Variants in FGD5 observed in about 807,000 individuals in gnomAD.
FGD5 encodes the protein FYVE, RhoGEF and PH domain-containing protein 5.
Under a neutral mutation model 133.4 loss-of-function variants are expected in FGD5, and 28 were observed. The ratio of observed to expected loss-of-function variants is 0.21; its 90% CI spans 0.16 to 0.29. The LOEUF (loss-of-function observed/expected upper bound fraction) is 0.29. Ranked by LOEUF, FGD5 falls within the 10% of genes least tolerant of loss-of-function variation. The pLI is 1.00. For synonymous variants in FGD5, 810 were observed against 776.5 expected, an observed-to-expected ratio of 1.04 and a Z score of -0.72; for missense variants, 1,858 against 1,895.2, an observed-to-expected ratio of 0.98 and a Z score of 0.36.
chr3:14,810,976 G>C (rs567675453), intron 1 of FGD5: 1 of 891,258 alleles, frequency 1.1e-6, no homozygotes, highest in South Asian at 5.1e-5. Context: ...GAAATCCTCC[G>C]ACCTTCCAGT....
At chr3:14,860,755 CT>C (rs1177200430) in intron 1 of FGD5, among the ~76,000 whole-genome samples, 1 of 151,970 alleles carries the variant, frequency 6.6e-6, no homozygotes, top group Admixed American at 6.6e-5. Flanking sequence ...GGGAGGATTG[CT>C]TGAACCCAGG....
Position 14,820,038 on chromosome 3 carries a change from G to A in FGD5, c.967G>A (p.Glu323Lys), listed in dbSNP as rs2036451938. 4 of 1,613,928 alleles carry A rather than the reference G, an allele frequency of 2.5e-6. No individual in the cohort carries two copies. In the African/African-American group the frequency reaches 4.0e-5, roughly 16 times the overall value. Reference sequence around the variant, plus strand: ...CCATGCACAGGATGAGTCCGCCGAGGAGAGCTGCCAGATTGTCCCTTTTGA... The same window carrying A: ...CCATGCACAGGATGAGTCCGCCGAGAAGAGCTGCCAGATTGTCCCTTTTGA... ...EDHAQDESAE[E>K]SCQIVPFEND... Residue 323 changes from glutamate to lysine, a missense_variant, in exon 1 of 20, where the codon GAG becomes AAG. Physicochemically the swap from Glu to Lys is moderately conservative, Grantham distance 56. Coordinates refer to ENST00000285046, the MANE Select transcript of FGD5 (RefSeq NM_152536.4).
At chr3:14,892,333 C>T (rs1012636799) in intron 4 of FGD5, among the ~76,000 whole-genome samples, 3 of 152,094 alleles carry the variant, frequency 2.0e-5, no homozygotes, top group African/African-American at 7.2e-5. Flanking sequence ...TCCCAAGTAG[C>T]TGGAACTATA....
chr3:14,897,813 A>G, intron 5 of FGD5, 126 bp from the exon 6 acceptor site: 1 of 1,462,326 alleles, frequency 6.8e-7, no homozygotes, highest in South Asian at 1.4e-5. Context: ...TGCTCAAAGT[A>G]AAACAACTGT....
intron 13 of FGD5, among the ~76,000 whole-genome samples, chr3:14,920,142 G>A (rs751451968): frequency 6.6e-6 from 1 of 152,002 alleles, no homozygotes; most frequent in African/African-American, 2.4e-5. Context: ...AACCAGGGAG[G>A]TATGCCTCCA....
chr3:14,834,928 T>C (rs1365091705), intron 1 of FGD5, among the ~76,000 whole-genome samples: 1 of 152,234 alleles, frequency 6.6e-6, no homozygotes, highest in Non-Finnish European at 1.5e-5. Flanking sequence ...CACTGCATTA[T>C]ATGTGATATC....
At chr3:14,812,016 G>GTGTGTGTGTGTGTATGTA (rs1559463451) in intron 1 of FGD5, among the ~76,000 whole-genome samples, 8 of 95,510 alleles carry the variant, frequency 8.4e-5, no homozygotes, top group Admixed American at 3.7e-4. Flanking sequence ...GTGTGTGTGT[G>GTGTGTGTGTGTGTATGTA]TGTGTGTGTG....
intron 1 of FGD5, among the ~76,000 whole-genome samples, chr3:14,863,528 A>G (rs1242233148): frequency 6.6e-6 from 1 of 152,208 alleles, no homozygotes; most frequent in Non-Finnish European, 1.5e-5. Flanking sequence ...TGTGGAGAGT[A>G]GTCACAGGCA....
intron 18 of FGD5, among the ~76,000 whole-genome samples, chr3:14,928,670 G>A (rs148015925): frequency 2.0e-5 from 3 of 152,234 alleles, no homozygotes; most frequent in South Asian, 2.1e-4. Context: ...GTTTGAACCC[G>A]GGAGGTAGAG....
At chr3:14,903,126 TTCATCTCCAGAACTTC>T (rs1461069763) in intron 9 of FGD5, among the ~76,000 whole-genome samples, 1 of 152,186 alleles carries the variant, frequency 6.6e-6, no homozygotes, top group Non-Finnish European at 1.5e-5. Flanking sequence ...TGTCATCCCA[TTCATCTCCAGAACTTC>T]TCTTCCCAGA....
At chr3:14,873,734 C>CTT (rs11404810) in intron 2 of FGD5, among the ~76,000 whole-genome samples, 18 of 142,094 alleles carry the variant, frequency 1.3e-4, no homozygotes, top group African/African-American at 3.3e-4. Flanking sequence ...TTTTTTTTTT[C>CTT]TTTTTTTTTT....
At chr3:14,913,431 G>A (rs1256088005) in intron 11 of FGD5, among the ~76,000 whole-genome samples, 1 of 152,120 alleles carries the variant, frequency 6.6e-6, no homozygotes, top group South Asian at 2.1e-4. Context: ...TCTTCAGGAC[G>A]CAAAAGGGAG....
At chr3:14,900,979 C>A (rs1163308450) in intron 8 of FGD5, 24 bp from the exon 9 acceptor site, 1 of 1,613,972 alleles carries the variant, frequency 6.2e-7, no homozygotes, top group Admixed American at 1.7e-5. Flanking sequence ...AATGGCCCAA[C>A]TCCTGCTCTG....
chr3:14,893,320 A>G (rs2880480), intron 4 of FGD5, among the ~76,000 whole-genome samples: 71,862 of 151,816 alleles, frequency 0.47, 17,792 homozygotes, highest in Non-Finnish European at 0.56. Flanking sequence ...CATTCAAATT[A>G]TTCTCTTCTG....
chr3:14,847,786 G>C (rs771343785), intron 1 of FGD5, among the ~76,000 whole-genome samples: 1 of 152,168 alleles, frequency 6.6e-6, no homozygotes, highest in Non-Finnish European at 1.5e-5. Context: ...AGTGTGTCAT[G>C]GTCAGCAGAT....
At position 14,917,958 on chromosome 3, in the gene FGD5, A is replaced by G. The variant is rs1196621941; in HGVS notation, c.3489+626A>G. On this transcript the variant is annotated intron_variant, in intron 12 of 19. Coordinates refer to ENST00000285046, the MANE Select transcript of FGD5 (RefSeq NM_152536.4). The surrounding 1 kb of genome is among the most constrained non-coding windows in gnomAD (Gnocchi z 4.1). ...TGTTTCACTTAGCACAGTGTCCTCAAGGTTGATCCCTGTCATCTGTAGTAT... is the reference window on the plus strand; with the variant it reads ...TGTTTCACTTAGCACAGTGTCCTCAGGGTTGATCCCTGTCATCTGTAGTAT... Among the ~76,000 whole-genome samples the G allele has an allele frequency of 2.0e-5, 3 of 152,212 alleles. No individual in the cohort carries two copies. Among genetic ancestry groups the G allele is most frequent in the Admixed American group, 6.5e-5 (1 of 15,286 alleles).
At chr3:14,811,977 G>T (rs1446333431) in intron 1 of FGD5, among the ~76,000 whole-genome samples, 9 of 151,078 alleles carry the variant, frequency 6.0e-5, no homozygotes, top group Non-Finnish European at 1.3e-4. Context: ...CACCATTTTG[G>T]CTGTCTTGGA....
intron 1 of FGD5, among the ~76,000 whole-genome samples, chr3:14,811,760 A>G (rs1241987263): frequency 2.0e-5 from 3 of 152,182 alleles, no homozygotes; most frequent in Admixed American, 6.5e-5. Context: ...GGGATTCCCA[A>G]CGCCATCTAA....
chr3:14,919,945 T>G (rs2038641913), intron 13 of FGD5, among the ~76,000 whole-genome samples: 1 of 152,182 alleles, frequency 6.6e-6, no homozygotes, highest in Non-Finnish European at 1.5e-5. Flanking sequence ...TTTCTGCATT[T>G]GAATTTGGGG....
Sources: gnomAD v4.1 joint callset for allele counts (sites outside exome capture counted in the v4.1 genomes callset) on GRCh38, gnomAD v4.1.1 for gene constraint, Gnocchi (gnomAD v3.1) non-coding constraint, MANE v1.5 for transcripts, NCBI Gene and HGNC (gene_info 2026-07-23, HGNC 2026-07-21) for gene names.